TRPV6: variants seen among roughly 807,000 people sequenced by gnomAD.
TRPV6 encodes the protein transient receptor potential cation channel subfamily V member 6.
TRPV6 carries 39 observed loss-of-function variants against 79.0 expected under a neutral mutation model. That is an observed-to-expected ratio of 0.49 (90% CI 0.38 to 0.64). The LOEUF (loss-of-function observed/expected upper bound fraction) is 0.64. Among genes scored for constraint, TRPV6 ranks in the 30% least tolerant of loss-of-function variants. TRPV6 has a pLI of 0.00. For missense variants in TRPV6, 813 were observed against 1,011.1 expected (o/e 0.80, Z 2.66); for synonymous variants, 373 against 391.9 (o/e 0.95, Z 0.57).
In TRPV6 at chr7:142,874,694, G is replaced by T. The variant is rs770027671; in HGVS notation, c.1407-38C>A. 8.1e-6 allele frequency: 13 copies of T among 1,599,932 alleles called. No homozygotes were observed. The Admixed American group carries it at 1.2e-4, about 15-fold the overall frequency. ...GGAGGAGGGTGATGAGGGGAGGGCTGGGATGATCCTGGGGACCTGACAGCA... is the reference window on the plus strand; with the variant it reads ...GGAGGAGGGTGATGAGGGGAGGGCTTGGATGATCCTGGGGACCTGACAGCA... On this transcript the variant is annotated intron_variant, in intron 10 of 14. Coordinates refer to ENST00000359396, the MANE Select transcript of TRPV6 (RefSeq NM_018646.6).
Position 142,885,473 on chromosome 7 carries a change from A to G in TRPV6, c.164T>C (p.Leu55Pro), listed in dbSNP as rs1795286246. 1.2e-6 allele frequency: 2 copies of G among 1,613,756 alleles called. No individual in the cohort carries two copies. Among genetic ancestry groups the G allele is most frequent in the Non-Finnish European group, 1.7e-6 (2 of 1,179,868 alleles). The change falls in exon 1 of 15, where the codon CTA becomes CCA. Residue 55 changes from leucine (L) to proline (P), a missense_variant. Leu to Pro is a moderately conservative substitution (Grantham distance 98). Coordinates refer to ENST00000359396, the MANE Select transcript of TRPV6 (RefSeq NM_018646.6). ...GAACCATCTGCAGAACTTGCTCCAT[A>G]GGCAGAGAATTAGCCCTTTCTCCTT...
Position 142,871,605 on chromosome 7 carries a change from T to G in TRPV6, c.*102A>C. 1 of 1,392,506 alleles carries G rather than the reference T, an allele frequency of 7.2e-7. No individual in the cohort carries two copies. Among genetic ancestry groups the G allele is most frequent in the East Asian group, 2.3e-5 (1 of 43,406 alleles). The allele number at this position is 1,392,506 out of a possible 1,614,324, so 86.3% of individuals were successfully genotyped here. On this transcript the variant is annotated 3_prime_UTR_variant, in exon 15 of 15. Coordinates refer to ENST00000359396, the MANE Select transcript of TRPV6 (RefSeq NM_018646.6). ...GTTCATGCTACTCCTCTTTCTCCCC[T>G]GGGGCCTGGGAGATGAGACCTCTGG... is the stretch of plus-strand genomic sequence containing the variant.
rs1795289762 is a variant in TRPV6 at position 142,885,588 on chromosome 7, C to T, written c.49G>A (p.Val17Met). 6.7e-7 allele frequency: 1 copy of T among 1,499,066 alleles called. No homozygotes were observed. The highest frequency in any genetic ancestry group is 1.4e-5 in the African/African-American group (1 of 71,084). The allele number at this position is 1,499,066 out of a possible 1,614,324, so 92.9% of individuals were successfully genotyped here. A position where few individuals can be genotyped will look rare whatever the true frequency, so the allele number is the denominator to read the frequency against. ...CTGACGGGACTCAGCCTTGGGGCCA[C>T]ATCAGCCCCCCCAAGGGCCGGCCCA... Residue 17 changes from valine to methionine, a missense_variant, in exon 1 of 15, where the codon GTG (valine) becomes ATG (methionine). Coordinates refer to ENST00000359396, the MANE Select transcript of TRPV6 (RefSeq NM_018646.6).
rs201115204 is a variant in TRPV6 at position 142,875,721 on chromosome 7, C to A, written c.1029+37G>T. 4 of 1,600,166 alleles carry A rather than the reference C, an allele frequency of 2.5e-6. No homozygotes were observed. In the East Asian group the frequency reaches 9.0e-5, roughly 36 times the overall value. ...AACAGGTGGCTCAGAGACCCTGACA[C>A]CCCTCCCCAGCCACAGCCTGCTGTC... On this transcript the variant is annotated intron_variant, in intron 7 of 14. Coordinates refer to ENST00000359396, the MANE Select transcript of TRPV6 (RefSeq NM_018646.6).
chr7:142,873,753 C>T lies in TRPV6; in HGVS notation c.1640-37G>A, dbSNP rs1242633016. 1.2e-6 allele frequency: 2 copies of T among 1,608,542 alleles called. No homozygotes were observed. The highest frequency in any genetic ancestry group is 1.7e-6 in the Non-Finnish European group (2 of 1,175,580). Reference sequence around the variant, plus strand: ...AAGGGGGTGAGGGTTACCATGGCAACCATGCAGACGACCAGCCCACCCCGG... The same window carrying T: ...AAGGGGGTGAGGGTTACCATGGCAATCATGCAGACGACCAGCCCACCCCGG... On this transcript the variant is annotated intron_variant, in intron 12 of 14. Transcript: ENST00000359396. This position sits in a 1 kb window ranked among gnomAD's most constrained non-coding sequence, Gnocchi z 4.8.
At chr7:142,883,629 T>C (rs1795237187) in intron 1 of TRPV6, 1 of 152,284 alleles carries the variant, frequency 6.6e-6, no homozygotes, top group Non-Finnish European at 1.5e-5. Context: ...ACCCCTCACT[T>C]GTCCATATTG....
rs387907547 is a variant in TRPV6, at chr7:142,874,600, C to T, written c.1463G>A (p.Ser488Asn). 1 of 1,614,060 alleles carries T rather than the reference C, an allele frequency of 6.2e-7. No homozygotes were observed. Among genetic ancestry groups the T allele is most frequent in the African/African-American group, 1.3e-5 (1 of 74,916 alleles). ...AAAGGACATGGGTACCACCTCCCCG[C>T]TGGCACTGATGAGCCGCATCACCAT... Residue 488 changes from serine to asparagine, a missense_variant, in exon 11 of 15, where the codon AGC becomes AAC. Physicochemically the swap from Ser to Asn is conservative, Grantham distance 46 (BLOSUM62 1). Transcript: ENST00000359396.
intron 6 of TRPV6, 167 bp downstream of exon 6, chr7:142,876,241 G>T: frequency 9.8e-7 from 1 of 1,023,816 alleles, no homozygotes; most frequent in Non-Finnish European, 1.4e-6. Flanking sequence ...GAAAAGGAGT[G>T]GGCAAGAAAG....
intron 9 of TRPV6, 37 bp from the exon 10 acceptor site, chr7:142,875,017 C>T (rs1197167390): frequency 1.1e-5 from 17 of 1,614,010 alleles, no homozygotes; most frequent in African/African-American, 2.7e-5. Flanking sequence ...CACTCAGATA[C>T]CGGAACTTGG....
intron 11 of TRPV6, 28 bp downstream of exon 11, chr7:142,874,463 C>G (rs1795009564): frequency 6.2e-7 from 1 of 1,613,090 alleles, no homozygotes; most frequent in African/African-American, 1.3e-5. Context: ...TGGGGCCTTT[C>G]TCTAGGGAGC....
intron 1 of TRPV6, 116 bp from the exon 2 acceptor site, chr7:142,878,142 C>T (rs907347550): frequency 6.2e-6 from 5 of 803,192 alleles, no homozygotes; most frequent in South Asian, 1.5e-5. Flanking sequence ...GCAGCAGGAA[C>T]CTCAGGGTCT....
rs1390949009 is a variant in TRPV6 at position 142,873,654 on chromosome 7, T to C, written c.1702A>G (p.Met568Val). ...AGCTCGAAGGTGCTGAACAGGGCCA[T>C]GGGGTAGTCGTAGAAGTGGCCTAGC... Residue 568 changes from methionine to valine, a missense_variant, in exon 13 of 15, where the codon ATG becomes GTG. Physicochemically the swap from Met to Val is conservative, Grantham distance 21. Around this residue, in one of 3 missense-constraint regions of TRPV6, gnomAD observed 94 missense variants for 194.0 expected, o/e 0.48. Transcript: ENST00000359396. The surrounding 1 kb of genome is among the most constrained non-coding windows in gnomAD (Gnocchi z 4.8). The C allele has an allele frequency of 1.2e-6, 2 of 1,614,002 alleles. No homozygotes were observed. Among genetic ancestry groups the C allele is most frequent in the Non-Finnish European group, 1.7e-6 (2 of 1,180,026 alleles).
Position 142,875,514 on chromosome 7 carries a change from C to T in TRPV6, c.1196G>A (p.Arg399His), listed in dbSNP as rs777123341. 1.6e-5 allele frequency: 26 copies of T among 1,606,408 alleles called. No individual in the cohort carries two copies. Among genetic ancestry groups the T allele is most frequent in the South Asian group, 6.6e-5 (6 of 90,566 alleles). Residue 399 changes from arginine (R) to histidine (H), a missense_variant, in exon 8 of 15, where the codon CGC (arginine) becomes CAC (histidine). Transcript: ENST00000359396. ...GAGGGTGTTGTCCCGGGGGCTCGTGCGGTTATTGGTCCTGGGCTTGAGGGG... is the reference window on the plus strand; with the variant it reads ...GAGGGTGTTGTCCCGGGGGCTCGTGTGGTTATTGGTCCTGGGCTTGAGGGG...
At position 142,875,744 on chromosome 7, in the gene TRPV6, G is replaced by C. The variant is rs199892504; in HGVS notation, c.1029+14C>G. 2.4e-5 allele frequency: 38 copies of C among 1,601,776 alleles called. No homozygotes were observed. The highest frequency in any genetic ancestry group is 3.4e-5 in the Admixed American group (2 of 58,886). ...CACCCCTCCCCAGCCACAGCCTGCT[G>C]TCATGAGCCATACCTCCCGCTTCTT... On this transcript the variant is annotated intron_variant, in intron 7 of 14. Coordinates refer to ENST00000359396, the MANE Select transcript of TRPV6 (RefSeq NM_018646.6).
At chr7:142,880,493 A>G (rs1416438149) in intron 1 of TRPV6, 1 of 152,174 alleles carries the variant, frequency 6.6e-6, no homozygotes, top group East Asian at 1.9e-4. Flanking sequence ...CATTTTGACC[A>G]AATGTGTGAA....
At position 142,875,066 on chromosome 7, in the gene TRPV6, T is replaced by C; in HGVS notation, c.1329+12A>G. On this transcript the variant is annotated intron_variant, in intron 9 of 14. Coordinates refer to ENST00000359396, the MANE Select transcript of TRPV6 (RefSeq NM_018646.6). ...GGCAGACAGCCTCACCCAGAGTCCA[T>C]CCACACCTCACCTCTACCAGCAGGA... The C allele has an allele frequency of 6.2e-7, 1 of 1,614,072 alleles. No homozygotes were observed. Among genetic ancestry groups the C allele is most frequent in the Non-Finnish European group, 8.5e-7 (1 of 1,180,016 alleles).
Position 142,872,481 on chromosome 7 carries a change from G to A in TRPV6, c.1909-3C>T. 1 of 1,611,704 alleles carries A rather than the reference G, an allele frequency of 6.2e-7. No homozygotes were observed. On this transcript the variant is annotated splice_polypyrimidine_tract_variant and splice_region_variant and intron_variant, in intron 13 of 14. Coordinates refer to ENST00000359396, the MANE Select transcript of TRPV6 (RefSeq NM_018646.6). ...AGCATCACTGTGGTGGCCACAATCT[G>A]CGTATGGGAACAAAAGGAGAAGTCA...
chr7:142,877,507 G>T, intron 3 of TRPV6, 144 bp downstream of exon 3: 1 of 1,472,714 alleles, frequency 6.8e-7, no homozygotes, highest in Non-Finnish European at 9.1e-7. Context: ...AGTCAGGACT[G>T]ACACGGAAGG....
chr7:142,876,383 C>T (rs761780081), intron 6 of TRPV6, 25 bp downstream of exon 6: 3 of 1,607,178 alleles, frequency 1.9e-6, no homozygotes, highest in East Asian at 2.2e-5. Context: ...AGAAAGACAC[C>T]TCAGGGATGG....
Sources: allele counts gnomAD v4.1 joint callset, GRCh38; gene constraint gnomAD v4.1.1; regional missense constraint gnomAD v4.1.1; non-coding constraint Gnocchi (gnomAD v3.1); transcripts MANE v1.5; gene names NCBI Gene and HGNC (gene_info 2026-07-23, HGNC 2026-07-21).